MYOT: variants seen among roughly 807,000 people sequenced by gnomAD.
MYOT encodes 57 kDa cytoskeletal protein.
MYOT carries 36 observed loss-of-function variants against 58.0 expected under a neutral mutation model. The observed-to-expected ratio is 0.62, with a 90% CI of 0.48 to 0.82. The LOEUF (loss-of-function observed/expected upper bound fraction) is 0.82. MYOT is among the 40% of genes least tolerant of loss of function. The pLI is 0.00. For missense variants in MYOT, 505 were observed against 592.1 expected, an observed-to-expected ratio of 0.85 and a Z score of 1.53; for synonymous variants, 218 against 204.6, an observed-to-expected ratio of 1.07 and a Z score of -0.56.
At chr5:137,878,878 ACT>A (rs1277159815) in intron 4 of MYOT, among the ~76,000 whole-genome samples, 1 of 151,998 alleles carries the variant, frequency 6.6e-6, no homozygotes, top group African/African-American at 2.4e-5. Context: ...GAATGTTAGC[ACT>A]CTTTCTTCCT....
In MYOT at chr5:137,876,003, A is replaced by G. The variant is rs200096584; in HGVS notation, c.531A>G (p.Gln177=). Residue 177 remains glutamine, a splice_region_variant and synonymous_variant, in exon 3 of 10, where the codon CAA becomes CAG. Coordinates refer to ENST00000239926, the MANE Select transcript of MYOT (RefSeq NM_006790.3). ...CKDTLLHNGN[Q]RLTYEEKMAR... is the part of the protein sequence containing the mutation. ...ACACCCTTCTTCATAATGGAAATCA[A>G]GTGGGCAAGATGTCTATTTTGTACA... is the stretch of plus-strand genomic sequence containing the variant. 3.1e-6 allele frequency: 5 copies of G among 1,614,032 alleles called. No individual in the cohort carries two copies. The highest frequency in any genetic ancestry group is 4.2e-6 in the Non-Finnish European group (5 of 1,179,950).
intron 2 of MYOT, among the ~76,000 whole-genome samples, chr5:137,875,531 G>A (rs1755184198): frequency 6.6e-6 from 1 of 152,064 alleles, no homozygotes; most frequent in African/African-American, 2.4e-5. Flanking sequence ...GATTGGAAGA[G>A]CTCTCAAGCT....
intron 4 of MYOT, among the ~76,000 whole-genome samples, chr5:137,879,882 G>GT (rs1755367986): frequency 6.6e-6 from 1 of 151,954 alleles, no homozygotes; most frequent in Non-Finnish European, 1.5e-5. Flanking sequence ...AAAATTAGTT[G>GT]ATTTGTTTGA....
chr5:137,887,430 T>C lies in MYOT; in HGVS notation c.*45T>C, dbSNP rs777190521. The C allele has an allele frequency of 1.3e-6, 2 of 1,587,194 alleles. No homozygotes were observed. Among genetic ancestry groups the C allele is most frequent in the African/African-American group, 1.3e-5 (1 of 74,276 alleles). ...AAACAGCCAACTACACCATTAGTAA[T>C]ATATTTGATTACATTTTTTTGAAAT... is the stretch of plus-strand genomic sequence containing the variant. On this transcript the variant is annotated 3_prime_UTR_variant, in exon 10 of 10. Coordinates refer to ENST00000239926, the MANE Select transcript of MYOT (RefSeq NM_006790.3).
In MYOT at chr5:137,878,817, T is replaced by C. The variant is rs144630240; in HGVS notation, c.633+1196T>C. Among the ~76,000 whole-genome samples, 199 of 152,076 alleles carry C rather than the reference T, an allele frequency of 1.3e-3. 4 individuals are homozygous for C. Among genetic ancestry groups the C allele is most frequent in the Middle Eastern group, 0.01 (3 of 294 alleles). ...CAGCCTGGGTGAGAGAGAGACTCCA[T>C]CTCAAACACAAAAAAGAAAAAAGAA... On this transcript the variant is annotated intron_variant, in intron 4 of 9. Coordinates refer to ENST00000239926, the MANE Select transcript of MYOT (RefSeq NM_006790.3).
chr5:137,878,720 G>T (rs1580857562), intron 4 of MYOT, among the ~76,000 whole-genome samples: 1 of 152,028 alleles, frequency 6.6e-6, no homozygotes, highest in African/African-American at 2.4e-5. Context: ...CTACTCAGGA[G>T]GCTGAGGCAG....
Position 137,884,649 on chromosome 5 carries a change from T to G in MYOT, c.1024+1058T>G, listed in dbSNP as rs181942268. On this transcript the variant is annotated intron_variant, in intron 7 of 9. Transcript: ENST00000239926. Reference sequence around the variant, plus strand: ...ATCGACATGACACACAAAGGAAGTGTTCATTAGAGCATTCTGGATTTTCAG... The same window carrying G: ...ATCGACATGACACACAAAGGAAGTGGTCATTAGAGCATTCTGGATTTTCAG... Among the ~76,000 whole-genome samples the G allele has an allele frequency of 1.4e-3, 213 of 152,244 alleles. 6 individuals are homozygous for G. In the East Asian group the frequency reaches 0.031, roughly 23 times the overall value.
At chr5:137,876,839 T>G (rs932837266) in intron 3 of MYOT, among the ~76,000 whole-genome samples, 2 of 151,774 alleles carry the variant, frequency 1.3e-5, no homozygotes, top group African/African-American at 4.8e-5. Context: ...AAAAATTACT[T>G]CTGAATGTGA....
chr5:137,879,593 C>T (rs936055500), intron 4 of MYOT, among the ~76,000 whole-genome samples: 2 of 137,204 alleles, frequency 1.5e-5, no homozygotes, highest in Non-Finnish European at 3.0e-5. Context: ...GGCGCGATCT[C>T]GGCTCACTGC....
At chr5:137,872,133 T>C (rs966524793) in intron 2 of MYOT, among the ~76,000 whole-genome samples, 21 of 152,226 alleles carry the variant, frequency 1.4e-4, no homozygotes, top group Admixed American at 8.5e-4. Flanking sequence ...CCTATAGATA[T>C]TAAGTTGAAC....
At chr5:137,877,458 A>C in intron 3 of MYOT, 62 bp from the exon 4 acceptor site, 1 of 1,116,060 alleles carries the variant, frequency 9.0e-7, no homozygotes, top group Non-Finnish European at 1.4e-6. Flanking sequence ...AGTGGTTTTA[A>C]GGTAAACCTG....
chr5:137,867,901 T>C lies in MYOT; in HGVS notation c.-264T>C, dbSNP rs1213083809. On this transcript the variant is annotated 5_prime_UTR_variant, in exon 1 of 10. Transcript: ENST00000239926. The stretch of plus-strand genomic sequence containing the variant: ...AGTCTGTGAGGGAAGGAGATGCCTC[T>C]TCCTTCCCTTCAATAGTGGGTTAAA... 1 of 152,190 alleles carries C rather than the reference T, an allele frequency of 6.6e-6. No individual in the cohort carries two copies. Among genetic ancestry groups the C allele is most frequent in the African/African-American group, 2.4e-5 (1 of 41,452 alleles). 9.4% of individuals were successfully genotyped at this position (152,190 alleles called of 1,614,324 possible).
intron 1 of MYOT, among the ~76,000 whole-genome samples, chr5:137,868,220 G>A (rs1754931871): frequency 6.6e-6 from 1 of 152,134 alleles, no homozygotes. Flanking sequence ...TTGATCTGAT[G>A]TAATTGTGGT....
In MYOT at chr5:137,886,867, A is replaced by T. The variant is rs781674627; in HGVS notation, c.1194A>T (p.Leu398Phe). ...MVQFNTDRIS[L>F]YQDNTGRVTL... ...TTCTTAAAAATTTTTATTTCAGCTT[A>T]TATCAAGATAACACTGGAAGAGTTA... The change falls in exon 9 of 10, where the codon TTA (leucine) becomes TTT (phenylalanine). Residue 398 changes from leucine to phenylalanine, a missense_variant. Leu to Phe is a conservative substitution (Grantham distance 22, BLOSUM62 0). Coordinates refer to ENST00000239926, the MANE Select transcript of MYOT (RefSeq NM_006790.3). The T allele has an allele frequency of 6.4e-7, 1 of 1,557,500 alleles. No homozygotes were observed. Among genetic ancestry groups the T allele is most frequent in the East Asian group, 2.2e-5 (1 of 44,552 alleles).
At chr5:137,873,877 A>G (rs1580851027) in intron 2 of MYOT, among the ~76,000 whole-genome samples, 1 of 152,332 alleles carries the variant, frequency 6.6e-6, no homozygotes, top group East Asian at 1.9e-4. Context: ...GATATAAATG[A>G]TATAATGATA....
chr5:137,875,295 G>A (rs1435192135), intron 2 of MYOT, among the ~76,000 whole-genome samples: 2 of 152,092 alleles, frequency 1.3e-5, no homozygotes, highest in African/African-American at 4.8e-5. Context: ...TAAACATTGG[G>A]TACATATGAA....
Position 137,881,013 on chromosome 5 carries a change from A to G in MYOT, c.683+148A>G, listed in dbSNP as rs186960367. On this transcript the variant is annotated intron_variant, in intron 5 of 9. Transcript: ENST00000239926. ...TTTCTAATGTCTGAGAAGATGACCAAAATTTTGACGTTCATCATCAAAACT... is the reference window on the plus strand; with the variant it reads ...TTTCTAATGTCTGAGAAGATGACCAGAATTTTGACGTTCATCATCAAAACT... 15 of 618,246 alleles carry G rather than the reference A, an allele frequency of 2.4e-5. No homozygotes were observed. In the Admixed American group the frequency reaches 3.0e-4, roughly 12 times the overall value. 38.3% of individuals were successfully genotyped at this position (618,246 alleles called of 1,614,324 possible).
Position 137,875,991 on chromosome 5 carries a change from T to C in MYOT, c.519T>C (p.His173=), listed in dbSNP as rs1417425923. The C allele has an allele frequency of 6.2e-7, 1 of 1,614,008 alleles. No individual in the cohort carries two copies. Among genetic ancestry groups the C allele is most frequent in the East Asian group, 2.2e-5 (1 of 44,840 alleles). The change falls in exon 3 of 10, where the codon CAT becomes CAC. Residue 173 remains histidine (H), a synonymous_variant. Transcript: ENST00000239926. ...RKLKCKDTLL[H]NGNQRLTYEE... ...TGAAATGCAAGGACACCCTTCTTCA[T>C]AATGGAAATCAAGTGGGCAAGATGT... is the stretch of plus-strand genomic sequence containing the variant.
chr5:137,873,223 TAA>T (rs35417774), intron 2 of MYOT, among the ~76,000 whole-genome samples: 4 of 145,372 alleles, frequency 2.8e-5, no homozygotes, highest in Non-Finnish European at 3.0e-5. Flanking sequence ...CTAGCATTTT[TAA>T]AAAAAAAAAA....
Sources: allele counts gnomAD v4.1 joint callset (sites outside exome capture counted in the v4.1 genomes callset), GRCh38; gene constraint gnomAD v4.1.1; transcripts MANE v1.5; gene names NCBI Gene and HGNC (gene_info 2026-07-23, HGNC 2026-07-21).